The following ADAM12 variants were observed in gnomAD, a reference collection of about 807,000 sequenced individuals.
ADAM12 encodes the protein disintegrin and metalloproteinase domain-containing protein 12.
Under a neutral mutation model 106.4 loss-of-function variants are expected in ADAM12, and 70 were observed. That is an observed-to-expected ratio of 0.66 (90% CI 0.54 to 0.80). The LOEUF (loss-of-function observed/expected upper bound fraction) is 0.80. Ranked by LOEUF, ADAM12 falls within the 30% of genes least tolerant of loss-of-function variation. The pLI is 0.00. For synonymous variants in ADAM12, 420 were observed against 433.5 expected, an observed-to-expected ratio of 0.97 and a Z score of 0.39; for missense variants, 1,010 against 1,171.9, an observed-to-expected ratio of 0.86 and a Z score of 2.02.
intron 8 of ADAM12, among the ~76,000 whole-genome samples, chr10:126,107,379 T>C (rs1363759115): frequency 7.9e-5 from 12 of 152,306 alleles, no homozygotes; most frequent in Non-Finnish European, 2.9e-5. Flanking sequence ...AGCCTTGACG[T>C]TCTCAAGTGG....
rs539859322 is a variant in ADAM12 at position 126,301,910 on chromosome 10, C to T, written c.187-22922G>A. Among the ~76,000 whole-genome samples, 109 of 152,248 alleles carry T rather than the reference C, an allele frequency of 7.2e-4. 1 individual carries two copies. The highest frequency in any genetic ancestry group is 2.5e-3 in the African/African-American group (104 of 41,546). On this transcript the variant is annotated intron_variant, in intron 2 of 22. Coordinates refer to ENST00000448723, the MANE Select transcript of ADAM12 (RefSeq NM_001288973.2). Reference sequence around the variant, plus strand: ...ATAATTTATACTCTGAGCCTGGGGCCTAATTACTTAATCTTTTCAAATTCA... The same window carrying T: ...ATAATTTATACTCTGAGCCTGGGGCTTAATTACTTAATCTTTTCAAATTCA...
chr10:126,177,042 G>GCACACA lies in ADAM12; in HGVS notation c.261-21743_261-21738dup, dbSNP rs150341109. Among the ~76,000 whole-genome samples the GCACACA allele has an allele frequency of 3.7e-3, 562 of 150,792 alleles. 18 individuals are homozygous for GCACACA. The highest frequency in any genetic ancestry group is 5.8e-3 in the South Asian group (28 of 4,792). On this transcript the variant is annotated intron_variant, in intron 3 of 22. Transcript: ENST00000448723. ...AAAGTGTATGTGTGTGTGCACATGT[G>GCACACA]CACACACACACACACGCACACACAC...
chr10:126,240,601 C>T (rs947633930), intron 3 of ADAM12, among the ~76,000 whole-genome samples: 1 of 152,204 alleles, frequency 6.6e-6, no homozygotes, highest in Admixed American at 6.5e-5. Context: ...TGGGCTGAGA[C>T]CTGAAGGCTG....
intron 5 of ADAM12, among the ~76,000 whole-genome samples, chr10:126,134,091 A>AAAC (rs1242436684): frequency 6.6e-6 from 1 of 152,240 alleles, no homozygotes. Context: ...CACTCAAGGA[A>AAAC]TGTTTTCTGA....
At chr10:126,204,391 A>C (rs1284265114) in intron 3 of ADAM12, among the ~76,000 whole-genome samples, 2 of 152,186 alleles carry the variant, frequency 1.3e-5, no homozygotes, top group African/African-American at 4.8e-5. Flanking sequence ...CCCAGGATGC[A>C]GGTGCTGTCA....
rs1278279 is a variant in ADAM12, at chr10:126,064,909, G to A, written c.1506C>T (p.Asn502=). 368,129 of 1,612,242 alleles carry A rather than the reference G, an allele frequency of 0.23. 46,172 individuals are homozygous for A. Among genetic ancestry groups the A allele is most frequent in the Admixed American group, 0.45 (27,123 of 59,724 alleles). ...CTGASPHCPA[N]VYLHDGHSCQ... ...ATGAGTGCCCATCGTGCAGGTACAC[G>A]TTGGCTGGGCAGTGAGGGCTGGCCC... Residue 502 remains asparagine (N), a synonymous_variant, in exon 14 of 23, where the codon AAC becomes AAT. Transcript: ENST00000448723. The surrounding 1 kb of genome is among the most constrained non-coding windows in gnomAD (Gnocchi z 4.4).
intron 1 of ADAM12, among the ~76,000 whole-genome samples, chr10:126,374,496 TAAG>T (rs1175243379): frequency 6.6e-6 from 1 of 152,212 alleles, no homozygotes; most frequent in East Asian, 1.9e-4. Flanking sequence ...TATTACATTT[TAAG>T]AAGATCAGGC....
At chr10:126,268,175 G>T (rs180720631) in intron 3 of ADAM12, among the ~76,000 whole-genome samples, 385 of 152,162 alleles carry the variant, frequency 2.5e-3, no homozygotes, top group African/African-American at 8.7e-3. Context: ...CTATGATTTT[G>T]CCTATTCGAA....
chr10:126,280,898 G>T lies in ADAM12; in HGVS notation c.187-1910C>A, dbSNP rs373218323. ...ATACTGTCTGGTGTTTATAAGAACT[G>T]TGTGCATTTCTGAGTGTTACTCGAC... On this transcript the variant is annotated intron_variant, in intron 2 of 22. Transcript: ENST00000448723. Among the ~76,000 whole-genome samples, 319 of 152,296 alleles carry T rather than the reference G, an allele frequency of 2.1e-3. 1 individual carries two copies. In the South Asian group the frequency reaches 0.024, roughly 11 times the overall value.
chr10:126,093,910 T>C (rs996738512), intron 11 of ADAM12, 75 bp downstream of exon 11: 45 of 1,575,928 alleles, frequency 2.9e-5, no homozygotes, highest in Non-Finnish European at 3.5e-5. Flanking sequence ...CCAGAGACAC[T>C]TTGACTCATC....
At chr10:126,220,993 T>C (rs2133852199) in intron 3 of ADAM12, among the ~76,000 whole-genome samples, 1 of 152,356 alleles carries the variant, frequency 6.6e-6, no homozygotes, top group East Asian at 1.9e-4. Context: ...ACAAAGCCTC[T>C]CCACATCATT....
intron 3 of ADAM12, among the ~76,000 whole-genome samples, chr10:126,267,573 A>G (rs1590708199): frequency 6.6e-6 from 1 of 152,234 alleles, no homozygotes; most frequent in East Asian, 1.9e-4. Context: ...AAGAGGGTTC[A>G]TTCTCCTATG....
intron 5 of ADAM12, among the ~76,000 whole-genome samples, chr10:126,123,400 A>AGGG (rs1275826485): frequency 6.6e-6 from 1 of 152,188 alleles, no homozygotes; most frequent in Non-Finnish European, 1.5e-5. Context: ...TAGGTAGAGT[A>AGGG]GGGGGAAAAG....
chr10:126,093,917 C>T, intron 11 of ADAM12, 68 bp downstream of exon 11: 1 of 1,584,676 alleles, frequency 6.3e-7, no homozygotes, highest in East Asian at 2.2e-5. Context: ...CACTTTGACT[C>T]ATCTGGTTCC....
chr10:126,318,123 C>A (rs1853951441), intron 2 of ADAM12, among the ~76,000 whole-genome samples: 1 of 152,040 alleles, frequency 6.6e-6, no homozygotes, highest in African/African-American at 2.4e-5. Context: ...AAATGGCTGA[C>A]TTTAGGACAG....
At chr10:126,326,529 G>A (rs1171053574) in intron 2 of ADAM12, among the ~76,000 whole-genome samples, 1 of 152,080 alleles carries the variant, frequency 6.6e-6, no homozygotes, top group African/African-American at 2.4e-5. Flanking sequence ...CAGTCCAATC[G>A]CTTCTGGTGC....
chr10:126,165,722 A>G (rs1478172326), intron 3 of ADAM12, among the ~76,000 whole-genome samples: 2 of 152,210 alleles, frequency 1.3e-5, no homozygotes, highest in African/African-American at 4.8e-5. Context: ...ATAAGCAGCA[A>G]CAAACCAAAT....
chr10:126,260,682 C>T (rs1323595014), intron 3 of ADAM12, among the ~76,000 whole-genome samples: 1 of 152,158 alleles, frequency 6.6e-6, no homozygotes, highest in Non-Finnish European at 1.5e-5. Context: ...AGCCACGGCA[C>T]TTAAGAGAAA....
chr10:126,231,433 C>T (rs1056190401), intron 3 of ADAM12, among the ~76,000 whole-genome samples: 6 of 151,488 alleles, frequency 4.0e-5, no homozygotes, highest in Admixed American at 2.0e-4. Flanking sequence ...TTATACCATA[C>T]GAATGTCTTA....
Sources: allele counts gnomAD v4.1 joint callset (sites outside exome capture counted in the v4.1 genomes callset), GRCh38; gene constraint gnomAD v4.1.1; non-coding constraint Gnocchi (gnomAD v3.1); transcripts MANE v1.5; gene names NCBI Gene and HGNC (gene_info 2026-07-23, HGNC 2026-07-21).